Variants in EIPR1 observed in about 807,000 individuals in gnomAD.
EIPR1 encodes the protein EARP and GARP complex-interacting protein 1.
Under a neutral mutation model 48.1 loss-of-function variants are expected in EIPR1, and 25 were observed. The observed-to-expected ratio is 0.52, with a 90% CI of 0.38 to 0.73. The LOEUF is 0.73. Among genes scored for constraint, EIPR1 ranks in the 30% least tolerant of loss-of-function variants. EIPR1 has a pLI of 0.00. For missense variants in EIPR1, 415 were observed against 506.2 expected (o/e 0.82, Z 1.73); for synonymous variants, 204 against 201.9 (o/e 1.01, Z -0.09).
At chr2:3,246,076 A>G (rs1666784548) in intron 4 of EIPR1, among the ~76,000 whole-genome samples, 1 of 152,154 alleles carries the variant, frequency 6.6e-6, no homozygotes, top group Non-Finnish European at 1.5e-5. Context: ...TGAGTGACAA[A>G]GCCAGACCCC....
rs1449128744 is a variant in EIPR1, at chr2:3,202,304, A to G, written c.517-5287T>C. Reference sequence around the variant, plus strand: ...GAAATACCTTTGTAGTATTCCCTTTAGGTAAACAGAAAAAAGTCAAGTGAA... The same window carrying G: ...GAAATACCTTTGTAGTATTCCCTTTGGGTAAACAGAAAAAAGTCAAGTGAA... On this transcript the variant is annotated intron_variant, in intron 5 of 8. Transcript: ENST00000382125. Among the ~76,000 whole-genome samples, 6 of 152,366 alleles carry G rather than the reference A, an allele frequency of 3.9e-5. No individual in the cohort carries two copies. In the East Asian group the frequency reaches 1.2e-3, roughly 29 times the overall value.
intron 3 of EIPR1, among the ~76,000 whole-genome samples, chr2:3,331,159 TG>T (rs1669888905): frequency 8.5e-6 from 1 of 117,410 alleles, no homozygotes; most frequent in African/African-American, 3.0e-5. Flanking sequence ...ACTCATGAGA[TG>T]GTGTGAGCAG....
intron 3 of EIPR1, among the ~76,000 whole-genome samples, chr2:3,332,300 C>A (rs1420241008): frequency 2.0e-5 from 3 of 152,228 alleles, no homozygotes; most frequent in African/African-American, 7.2e-5. Context: ...CTGCTGGCAG[C>A]ACATTCTGAA....
At chr2:3,319,150 C>T (rs1669412066) in intron 3 of EIPR1, 1 of 343,750 alleles carries the variant, frequency 2.9e-6, no homozygotes, top group Non-Finnish European at 5.8e-6. Flanking sequence ...GTTACATCTC[C>T]ATCCTGCGTG....
chr2:3,210,229 G>T (rs1572297315), intron 5 of EIPR1, among the ~76,000 whole-genome samples: 2 of 152,090 alleles, frequency 1.3e-5, no homozygotes, highest in East Asian at 3.9e-4. Context: ...CTACTAAAAA[G>T]AGGAAAAGAA....
Position 3,297,704 on chromosome 2 carries a change from G to T in EIPR1, c.260-40249C>A, listed in dbSNP as rs538093116. 2.6e-5 allele frequency among the ~76,000 whole-genome samples: 4 copies of T among 152,358 alleles called. No homozygotes were observed. The East Asian group carries it at 7.7e-4, about 29-fold the overall frequency. The stretch of plus-strand genomic sequence containing the variant: ...AGCCACAGACATTACAGAAATAAGC[G>T]AGTGTGTCTGGGTGCCAATAAAACT... On this transcript the variant is annotated intron_variant, in intron 3 of 8. Transcript: ENST00000382125.
intron 8 of EIPR1, among the ~76,000 whole-genome samples, chr2:3,191,038 G>A (rs1243759966): frequency 1.3e-5 from 2 of 152,226 alleles, no homozygotes; most frequent in East Asian, 1.9e-4. Context: ...AGGCTGCAGT[G>A]AGCCATGATC....
At chr2:3,340,892 T>C (rs1670218602) in intron 2 of EIPR1, among the ~76,000 whole-genome samples, 1 of 150,782 alleles carries the variant, frequency 6.6e-6, no homozygotes, top group Non-Finnish European at 1.5e-5. Context: ...AGGTCAGGAG[T>C]TGAAGACCAG....
intron 8 of EIPR1, among the ~76,000 whole-genome samples, chr2:3,191,004 G>A (rs1467612474): frequency 6.6e-6 from 1 of 152,218 alleles, no homozygotes; most frequent in African/African-American, 2.4e-5. Context: ...TGAGGTGAGA[G>A]GATCACCTGA....
rs58031525 is a variant in EIPR1 at position 3,293,114 on chromosome 2, G to C, written c.260-35659C>G. Among the ~76,000 whole-genome samples the C allele has an allele frequency of 5.8e-3, 887 of 152,270 alleles. 6 individuals carry two copies. Among genetic ancestry groups the C allele is most frequent in the African/African-American group, 0.02 (833 of 41,554 alleles). ...CTCTGTTTCCTTTCATTCCATCACA[G>C]AACAATCTCGACAAACTATCACCCT... On this transcript the variant is annotated intron_variant, in intron 3 of 8. Transcript: ENST00000382125.
At chr2:3,361,171 C>T (rs1291740309) in intron 1 of EIPR1, among the ~76,000 whole-genome samples, 3 of 152,164 alleles carry the variant, frequency 2.0e-5, no homozygotes, top group African/African-American at 7.2e-5. Context: ...AACACACATT[C>T]ATTCATTGGC....
intron 1 of EIPR1, among the ~76,000 whole-genome samples, 159 bp from the exon 2 acceptor site, chr2:3,354,792 C>G (rs951928311): frequency 2.0e-5 from 3 of 152,140 alleles, no homozygotes; most frequent in Admixed American, 1.3e-4. Context: ...TATTAAATGC[C>G]TTTGACTTTT....
At chr2:3,200,226 CCTT>C (rs1664982222) in intron 5 of EIPR1, among the ~76,000 whole-genome samples, 1 of 152,126 alleles carries the variant, frequency 6.6e-6, no homozygotes, top group Admixed American at 6.5e-5. Context: ...CCGATGGGCT[CCTT>C]CTTTTGTTTA....
chr2:3,206,936 T>A (rs1333259866), intron 5 of EIPR1, among the ~76,000 whole-genome samples: 2 of 152,202 alleles, frequency 1.3e-5, no homozygotes, highest in Admixed American at 1.3e-4. Context: ...GGATCCCTCA[T>A]GTCTGAACTG....
chr2:3,247,365 C>T (rs1397072571), intron 4 of EIPR1, among the ~76,000 whole-genome samples: 1 of 152,136 alleles, frequency 6.6e-6, no homozygotes, highest in Admixed American at 6.5e-5. Context: ...GCTGGAGAGC[C>T]TCTTTATCAT....
intron 2 of EIPR1, among the ~76,000 whole-genome samples, chr2:3,349,326 C>T (rs1670497257): frequency 6.6e-6 from 1 of 152,254 alleles, no homozygotes; most frequent in Non-Finnish European, 1.5e-5. Context: ...TACCAGCTGC[C>T]TCCTCCAGCC....
chr2:3,339,101 G>A (rs1289594092), intron 2 of EIPR1, among the ~76,000 whole-genome samples: 1 of 152,220 alleles, frequency 6.6e-6, no homozygotes, highest in Admixed American at 6.5e-5. Context: ...TCAGTGGCAT[G>A]GAACGATGTA....
chr2:3,261,814 A>T (rs1046330990), intron 3 of EIPR1: 3 of 152,206 alleles, frequency 2.0e-5, no homozygotes, highest in Non-Finnish European at 2.9e-5. Context: ...AAATACCCAT[A>T]CCGGGCCTGT....
Position 3,192,163 on chromosome 2 carries a change from A to G in EIPR1, c.989+251T>C, listed in dbSNP as rs183138077. ...TTTTAAATCTTACAGATGGCATTCA[A>G]TAAGAATACAAACACAAATAGATCT... On this transcript the variant is annotated intron_variant, in intron 8 of 8. Transcript: ENST00000382125. Among the ~76,000 whole-genome samples the G allele has an allele frequency of 1.8e-4, 27 of 152,348 alleles. No homozygotes were observed. In the East Asian group the frequency reaches 3.5e-3, roughly 20 times the overall value.
Sources: allele counts gnomAD v4.1 joint callset (sites outside exome capture counted in the v4.1 genomes callset), GRCh38; gene constraint gnomAD v4.1.1; transcripts MANE v1.5; gene names NCBI Gene and HGNC (gene_info 2026-07-23, HGNC 2026-07-21).